ESR2: variants seen among roughly 807,000 people sequenced by gnomAD.
ESR2 encodes estrogen receptor 2.
In ESR2, 36 loss-of-function variants were observed where a neutral mutation model predicts 49.6. The observed-to-expected ratio is 0.73, with a 90% CI of 0.56 to 0.96. The LOEUF is 0.96. ESR2 is among the 40% of genes least tolerant of loss of function. The pLI is 0.00. For missense variants in ESR2, 714 were observed against 693.0 expected (o/e 1.03, Z -0.34); for synonymous variants, 320 against 266.1 (o/e 1.20, Z -1.97).
intron 4 of ESR2, among the ~76,000 whole-genome samples, chr14:64,267,225 C>T (rs952033371): frequency 6.6e-6 from 1 of 152,150 alleles, no homozygotes; most frequent in Non-Finnish European, 1.5e-5. Flanking sequence ...TTTTCCTATT[C>T]ATAATATGTT....
rs1194990356 is a variant in ESR2 at position 64,282,824 on chromosome 14, C to T, written c.162G>A (p.Met54Ile). Residue 54 changes from methionine (M) to isoleucine (I), a missense_variant, in exon 2 of 9, where the codon ATG becomes ATA. Met to Ile is a conservative substitution (Grantham distance 10). Coordinates refer to ENST00000341099, the MANE Select transcript of ESR2 (RefSeq NM_001437.3). ...TGACATTGCTGGGAATGCTGTAATT[C>T]ATCACAGCAGGGCTATAGAATGTCA... is the stretch of plus-strand genomic sequence containing the variant. ...PAMTFYSPAV[M>I]NYSIPSNVTN... 6.2e-7 allele frequency: 1 copy of T among 1,613,950 alleles called. No homozygotes were observed. Among genetic ancestry groups the T allele is most frequent in the Non-Finnish European group, 8.5e-7 (1 of 1,179,796 alleles).
chr14:64,331,697 G>A (rs985337366), intron 1 of ESR2, among the ~76,000 whole-genome samples: 22 of 151,702 alleles, frequency 1.5e-4, no homozygotes, highest in East Asian at 5.8e-4. Context: ...GTGGTGGCGC[G>A]CCTGTAATCC....
At chr14:64,312,184 C>T (rs2077194900) in intron 1 of ESR2, among the ~76,000 whole-genome samples, 2 of 152,056 alleles carry the variant, frequency 1.3e-5, no homozygotes, top group Admixed American at 1.3e-4. Context: ...ATACCTGGAG[C>T]AACCACTAAA....
intron 1 of ESR2, among the ~76,000 whole-genome samples, chr14:64,331,686 C>T (rs1029538251): frequency 1.3e-5 from 2 of 151,692 alleles, no homozygotes; most frequent in African/African-American, 2.4e-5. Flanking sequence ...ATTAGCCGAG[C>T]GTGGTGGCGC....
intron 4 of ESR2, among the ~76,000 whole-genome samples, chr14:64,268,214 TAC>T (rs1196528253): frequency 2.0e-5 from 3 of 152,228 alleles, no homozygotes; most frequent in Non-Finnish European, 4.4e-5. Context: ...ATATGTTAAA[TAC>T]ACATATGTAT....
chr14:64,322,930 C>A (rs1350341070), intron 1 of ESR2, among the ~76,000 whole-genome samples: 2 of 152,094 alleles, frequency 1.3e-5, no homozygotes, highest in African/African-American at 4.8e-5. Flanking sequence ...TACATGCATA[C>A]TATAGAATAT....
intron 6 of ESR2, among the ~76,000 whole-genome samples, chr14:64,250,320 A>G (rs1431686773): frequency 6.6e-6 from 1 of 152,210 alleles, no homozygotes; most frequent in African/African-American, 2.4e-5. Flanking sequence ...AAAATTTTTG[A>G]CTTGCCAAGG....
rs2098724244 is a variant in ESR2, at chr14:64,228,365, C to G, written c.*4772G>C. On this transcript the variant is annotated 3_prime_UTR_variant, in exon 9 of 9. Transcript: ENST00000341099. ...CACTTTATTTATATCATGTTAAACTCTCTACGACAGTGCCATAGACATTAA... is the reference window on the plus strand; with the variant it reads ...CACTTTATTTATATCATGTTAAACTGTCTACGACAGTGCCATAGACATTAA... Among the ~76,000 whole-genome samples, 1 of 152,170 alleles carries G rather than the reference C, an allele frequency of 6.6e-6. No individual in the cohort carries two copies. Among genetic ancestry groups the G allele is most frequent in the South Asian group, 2.1e-4 (1 of 4,832 alleles).
rs374496392 is a variant in ESR2, at chr14:64,333,033, C to T, written c.-91+4865G>A. Among the ~76,000 whole-genome samples, 453 of 151,564 alleles carry T rather than the reference C, an allele frequency of 3.0e-3. 1 individual carries two copies. The highest frequency in any genetic ancestry group is 0.01 in the African/African-American group (431 of 41,398). The stretch of plus-strand genomic sequence containing the variant: ...CTGGGACTACAGGTGCCCACCACCA[C>T]GCCCAGCTAATTTTTTGTATTTTTT... On this transcript the variant is annotated intron_variant, in intron 1 of 8. Transcript: ENST00000358599.
chr14:64,276,623 A>T (rs1328182540), intron 3 of ESR2, among the ~76,000 whole-genome samples: 8 of 152,338 alleles, frequency 5.3e-5, no homozygotes, highest in Non-Finnish European at 7.3e-5. Context: ...ACATATCCAG[A>T]GAAACTTATT....
downstream of ESR2, chr14:64,227,928 A>C (rs745969976): frequency 1.3e-6 from 2 of 1,597,442 alleles, no homozygotes; most frequent in East Asian, 4.5e-5. Flanking sequence ...TTTTCTCCCC[A>C]TCTGTAAAGG....
intron 1 of ESR2, among the ~76,000 whole-genome samples, chr14:64,307,449 G>A (rs1219792252): frequency 2.6e-5 from 4 of 151,986 alleles, no homozygotes; most frequent in African/African-American, 7.2e-5. Flanking sequence ...TCCTGACCTC[G>A]TGATCCGCCC....
intron 8 of ESR2, chr14:64,234,666 T>G: frequency 2.0e-6 from 1 of 498,156 alleles, no homozygotes; most frequent in Non-Finnish European, 3.4e-6. Context: ...GGGGTGGCAG[T>G]TCGTGTTAGG....
chr14:64,293,238 A>G (rs1027650915), intron 1 of ESR2, among the ~76,000 whole-genome samples: 1 of 152,240 alleles, frequency 6.6e-6, no homozygotes, highest in African/African-American at 2.4e-5. Context: ...AATTACAAAC[A>G]TGTTTCCCCT....
rs2098728596 is a variant in ESR2 at position 64,232,889 on chromosome 14, A to T, written c.*248T>A. 3.7e-6 allele frequency: 2 copies of T among 537,634 alleles called. No individual in the cohort carries two copies. Among genetic ancestry groups the T allele is most frequent in the South Asian group, 1.3e-4 (2 of 15,828 alleles). The allele number at this position is 537,634 out of a possible 1,614,324, so 33.3% of individuals were successfully genotyped here. The stretch of plus-strand genomic sequence containing the variant: ...GGAAAGTAAGAAAGACCACACTGAG[A>T]TCCTATGAGGCCATTGAGTGTGGAA... On this transcript the variant is annotated 3_prime_UTR_variant, in exon 9 of 9. Transcript: ENST00000341099.
At chr14:64,280,944 G>A (rs1033585403) in intron 2 of ESR2, among the ~76,000 whole-genome samples, 2 of 152,196 alleles carry the variant, frequency 1.3e-5, no homozygotes, top group African/African-American at 4.8e-5. Context: ...GGGAGGCAGA[G>A]GTTGCAGTGA....
intron 1 of ESR2, among the ~76,000 whole-genome samples, chr14:64,309,690 C>T (rs1379997570): frequency 6.6e-6 from 1 of 151,474 alleles, no homozygotes; most frequent in Non-Finnish European, 1.5e-5. Flanking sequence ...TGGGTATAAA[C>T]TGGGCATGGT....
chr14:64,279,666 C>T (rs1388744896), intron 3 of ESR2, among the ~76,000 whole-genome samples: 1 of 152,234 alleles, frequency 6.6e-6, no homozygotes, highest in Non-Finnish European at 1.5e-5. Flanking sequence ...CTTTGCAACT[C>T]CTTGTGAGCA....
At chr14:64,260,360 T>A in intron 5 of ESR2, 89 bp downstream of exon 5, 1 of 1,260,312 alleles carries the variant, frequency 7.9e-7, no homozygotes. Flanking sequence ...GCACAGCTCA[T>A]GGACCTCTAC....
Sources: gnomAD v4.1 joint callset for allele counts (sites outside exome capture counted in the v4.1 genomes callset) on GRCh38, gnomAD v4.1.1 for gene constraint, MANE v1.5 for transcripts, NCBI Gene and HGNC (gene_info 2026-07-23, HGNC 2026-07-21) for gene names.